Variants in CDH18 observed in about 807,000 individuals in gnomAD.
CDH18 encodes cadherin 18.
Under a neutral mutation model 67.9 loss-of-function variants are expected in CDH18, and 31 were observed. The ratio of observed to expected loss-of-function variants is 0.46; its 90% CI spans 0.34 to 0.62. The LOEUF (loss-of-function observed/expected upper bound fraction) is 0.62, where lower values mean the gene tolerates loss of function less well. Among genes scored for constraint, CDH18 ranks in the 20% least tolerant of loss-of-function variants. CDH18 has a pLI of 0.01. For missense variants in CDH18, 890 were observed against 975.5 expected (o/e 0.91, Z 1.17); for synonymous variants, 362 against 347.2 (o/e 1.04, Z -0.48).
At chr5:20,027,634 T>C (rs891392016) in intron 2 of CDH18, among the ~76,000 whole-genome samples, 4 of 152,222 alleles carry the variant, frequency 2.6e-5, no homozygotes, top group African/African-American at 7.2e-5. Context: ...ATCAGTGTTT[T>C]CTCTGGTAAT....
intron 1 of CDH18, among the ~76,000 whole-genome samples, chr5:20,267,069 A>G (rs2126651314): frequency 6.6e-6 from 1 of 152,322 alleles, no homozygotes; most frequent in East Asian, 1.9e-4. Flanking sequence ...CATACAGACA[A>G]TAAATAAGGC....
chr5:19,952,044 A>T (rs892152349), intron 2 of CDH18, among the ~76,000 whole-genome samples: 4 of 151,742 alleles, frequency 2.6e-5, no homozygotes, highest in Non-Finnish European at 5.9e-5. Flanking sequence ...TTTCCAATTT[A>T]TTTTATTTAT....
intron 1 of CDH18, among the ~76,000 whole-genome samples, chr5:20,477,454 G>C (rs1378351666): frequency 6.6e-6 from 1 of 152,240 alleles, no homozygotes; most frequent in Non-Finnish European, 1.5e-5. Flanking sequence ...AATGTGGACA[G>C]AGAAGCTGTG....
intron 1 of CDH18, among the ~76,000 whole-genome samples, chr5:20,266,838 G>C (rs2126650481): frequency 6.6e-6 from 1 of 152,122 alleles, no homozygotes; most frequent in Non-Finnish European, 1.5e-5. Context: ...ATGTTTCAGA[G>C]AGTGTCTTAT....
At chr5:19,897,235 C>G (rs1789445092) in intron 2 of CDH18, among the ~76,000 whole-genome samples, 1 of 151,778 alleles carries the variant, frequency 6.6e-6, no homozygotes, top group South Asian at 2.1e-4. Context: ...AATTAAAAAG[C>G]CACAGTGAAA....
At chr5:20,186,215 A>C (rs975692454) in intron 2 of CDH18, among the ~76,000 whole-genome samples, 5 of 152,052 alleles carry the variant, frequency 3.3e-5, no homozygotes, top group African/African-American at 1.2e-4. Flanking sequence ...AAAACATGGG[A>C]AACATTGTCA....
chr5:19,504,628 A>C (rs1262214933), intron 10 of CDH18, among the ~76,000 whole-genome samples: 1 of 152,074 alleles, frequency 6.6e-6, no homozygotes, highest in Non-Finnish European at 1.5e-5. Context: ...TTAAGGGTTA[A>C]ATAAATATTT....
chr5:20,452,476 G>A (rs908846702), intron 1 of CDH18, among the ~76,000 whole-genome samples: 2 of 152,080 alleles, frequency 1.3e-5, no homozygotes, highest in Non-Finnish European at 2.9e-5. Flanking sequence ...TGGAGTTTGA[G>A]ACCATTATCC....
At chr5:19,808,262 T>TA (rs1373104153) in intron 3 of CDH18, among the ~76,000 whole-genome samples, 2 of 150,000 alleles carry the variant, frequency 1.3e-5, no homozygotes, top group Non-Finnish European at 3.0e-5. Context: ...GTAACTTTTG[T>TA]AACGAATGCC....
intron 2 of CDH18, among the ~76,000 whole-genome samples, chr5:20,154,825 A>G (rs1030590021): frequency 1.3e-5 from 2 of 152,212 alleles, no homozygotes; most frequent in Non-Finnish European, 2.9e-5. Flanking sequence ...ATATGGCCTC[A>G]TTAATGCCCT....
intron 1 of CDH18, among the ~76,000 whole-genome samples, chr5:20,464,657 T>G (rs897702964): frequency 6.6e-6 from 1 of 152,142 alleles, no homozygotes; most frequent in African/African-American, 2.4e-5. Flanking sequence ...TTTAAAGTAC[T>G]TGTGAGACAT....
intron 6 of CDH18, among the ~76,000 whole-genome samples, chr5:19,604,051 T>C (rs1257899345): frequency 6.6e-6 from 1 of 151,948 alleles, no homozygotes; most frequent in African/African-American, 2.4e-5. Flanking sequence ...TTTCTTAGAC[T>C]GCATCATAAT....
At chr5:20,250,386 G>A (rs1178206145) in intron 2 of CDH18, among the ~76,000 whole-genome samples, 6 of 151,004 alleles carry the variant, frequency 4.0e-5, no homozygotes, top group Non-Finnish European at 5.9e-5. Flanking sequence ...TCCGCCTCCC[G>A]GATTCAATCG....
intron 1 of CDH18, among the ~76,000 whole-genome samples, chr5:20,531,434 G>T (rs62352733): frequency 6.6e-6 from 1 of 151,816 alleles, no homozygotes; most frequent in Non-Finnish European, 1.5e-5. Context: ...AAAATACATC[G>T]ATGTGTATGC....
intron 2 of CDH18, among the ~76,000 whole-genome samples, chr5:19,975,466 C>A (rs1037508504): frequency 6.6e-6 from 1 of 151,984 alleles, no homozygotes; most frequent in Non-Finnish European, 1.5e-5. Context: ...ACCAAAATAT[C>A]TGAGTGAATG....
intron 11 of CDH18, among the ~76,000 whole-genome samples, chr5:19,497,356 G>A (rs1318721897): frequency 6.6e-6 from 1 of 152,150 alleles, no homozygotes. Context: ...GTTCTTATAG[G>A]ACTGTTGCTT....
At chr5:19,686,847 T>C (rs559643829) in intron 5 of CDH18, among the ~76,000 whole-genome samples, 2 of 152,238 alleles carry the variant, frequency 1.3e-5, no homozygotes, top group Non-Finnish European at 2.9e-5. Flanking sequence ...AATTATTATA[T>C]GCTAGTATTG....
chr5:19,745,444 C>T (rs546900918), intron 4 of CDH18, among the ~76,000 whole-genome samples: 1 of 152,128 alleles, frequency 6.6e-6, no homozygotes, highest in Non-Finnish European at 1.5e-5. Flanking sequence ...GGGGCCCTTA[C>T]TTACCTTGGA....
chr5:20,561,896 AAAAAGTTC>A (rs1328747778), intron 1 of CDH18, among the ~76,000 whole-genome samples: 1 of 151,934 alleles, frequency 6.6e-6, no homozygotes, highest in African/African-American at 2.4e-5. Flanking sequence ...AAAGAATTCC[AAAAAGTTC>A]AAAACAAATG....
Sources: allele counts gnomAD v4.1 joint callset (sites outside exome capture counted in the v4.1 genomes callset), GRCh38; gene constraint gnomAD v4.1.1; transcripts MANE v1.5; gene names NCBI Gene and HGNC (gene_info 2026-07-23, HGNC 2026-07-21).